CCSER1: variants seen among roughly 807,000 people sequenced by gnomAD.
The protein encoded by CCSER1 is serine-rich coiled-coil domain-containing protein 1.
A neutral mutation model predicts 82.0 loss-of-function variants in CCSER1; 41 were observed. That is an observed-to-expected ratio of 0.50 (90% CI 0.39 to 0.65). The LOEUF is 0.65. Ranked by LOEUF, CCSER1 falls within the 30% of genes least tolerant of loss-of-function variation. The pLI is 0.00. For synonymous variants in CCSER1, 414 were observed against 383.9 expected (o/e 1.08, Z -0.92); for missense variants, 1,119 against 1,064.2 (o/e 1.05, Z -0.72).
At chr4:91,442,349 C>T (rs1296978955) in intron 10 of CCSER1, among the ~76,000 whole-genome samples, 1 of 152,048 alleles carries the variant, frequency 6.6e-6, no homozygotes, top group Non-Finnish European at 1.5e-5. Flanking sequence ...TTTGACAAAC[C>T]TGACAAAAAC....
chr4:90,281,103 A>G (rs1339383565), intron 1 of CCSER1, among the ~76,000 whole-genome samples: 1 of 152,062 alleles, frequency 6.6e-6, no homozygotes, highest in African/African-American at 2.4e-5. Context: ...GATGTTAAGA[A>G]TTTCTTAGCC....
At chr4:91,252,064 C>A (rs1312249203) in intron 10 of CCSER1, among the ~76,000 whole-genome samples, 7 of 152,102 alleles carry the variant, frequency 4.6e-5, no homozygotes, top group African/African-American at 2.4e-5. Context: ...CAGACAAAAT[C>A]TTGAAAGCAT....
intron 10 of CCSER1, among the ~76,000 whole-genome samples, chr4:91,274,007 C>A (rs1028364988): frequency 1.3e-5 from 2 of 152,094 alleles, no homozygotes; most frequent in African/African-American, 4.8e-5. Context: ...GTTAGGTTAA[C>A]TCTCCTTTAT....
chr4:91,007,184 A>G (rs892597212), intron 9 of CCSER1, among the ~76,000 whole-genome samples: 1 of 151,964 alleles, frequency 6.6e-6, no homozygotes, highest in African/African-American at 2.4e-5. Flanking sequence ...TATTTAATTC[A>G]GTTTGTTAGT....
intron 5 of CCSER1, among the ~76,000 whole-genome samples, chr4:90,535,403 A>G (rs1254743339): frequency 6.6e-6 from 1 of 152,152 alleles, no homozygotes; most frequent in Non-Finnish European, 1.5e-5. Flanking sequence ...CGGACAACAT[A>G]GTGGAACCCC....
chr4:90,165,054 A>G (rs1560725117), intron 1 of CCSER1, among the ~76,000 whole-genome samples: 1 of 152,066 alleles, frequency 6.6e-6, no homozygotes. Flanking sequence ...CTTTTTCTGG[A>G]TTCTAATCCT....
At chr4:91,091,186 A>T (rs1477669261) in intron 10 of CCSER1, among the ~76,000 whole-genome samples, 2 of 152,208 alleles carry the variant, frequency 1.3e-5, no homozygotes, top group African/African-American at 4.8e-5. Flanking sequence ...AAATTATAAG[A>T]TTATGCGTTT....
intron 10 of CCSER1, among the ~76,000 whole-genome samples, chr4:91,300,376 T>C (rs1354247190): frequency 1.3e-5 from 2 of 151,864 alleles, no homozygotes; most frequent in Non-Finnish European, 2.9e-5. Flanking sequence ...CATTTCTTAG[T>C]GCCAAGGAAA....
At chr4:90,785,784 T>C (rs1409991563) in intron 7 of CCSER1, among the ~76,000 whole-genome samples, 4 of 152,218 alleles carry the variant, frequency 2.6e-5, no homozygotes, top group Non-Finnish European at 5.9e-5. Flanking sequence ...TTTTGAACTG[T>C]GACTGTGTTT....
intron 10 of CCSER1, among the ~76,000 whole-genome samples, chr4:91,247,445 A>G (rs1411544102): frequency 1.3e-5 from 2 of 152,220 alleles, no homozygotes; most frequent in Admixed American, 6.5e-5. Flanking sequence ...CTATGAATTT[A>G]TGTTTAGCTA....
At chr4:90,872,073 TA>T (rs1250938053) in intron 8 of CCSER1, among the ~76,000 whole-genome samples, 2 of 151,894 alleles carry the variant, frequency 1.3e-5, no homozygotes, top group African/African-American at 4.8e-5. Context: ...GTGAAGTTTG[TA>T]TCCTGTAGAG....
chr4:91,044,486 G>A (rs1742269398), intron 9 of CCSER1, among the ~76,000 whole-genome samples: 1 of 152,028 alleles, frequency 6.6e-6, no homozygotes, highest in Non-Finnish European at 1.5e-5. Flanking sequence ...GATTTATCTT[G>A]ACCTACATGA....
At chr4:90,799,180 G>A (rs887087661) in intron 7 of CCSER1, among the ~76,000 whole-genome samples, 7 of 152,154 alleles carry the variant, frequency 4.6e-5, no homozygotes, top group Non-Finnish European at 2.9e-5. Context: ...GCACAGGTCT[G>A]GGTGTCTTCT....
At chr4:90,652,220 G>A (rs1033782645) in intron 6 of CCSER1, among the ~76,000 whole-genome samples, 9 of 152,010 alleles carry the variant, frequency 5.9e-5, no homozygotes, top group Non-Finnish European at 1.3e-4. Flanking sequence ...ATATTTAAAT[G>A]TAATAAAAAC....
chr4:91,151,927 G>A (rs573982912), intron 10 of CCSER1, among the ~76,000 whole-genome samples: 12 of 152,308 alleles, frequency 7.9e-5, no homozygotes, highest in Non-Finnish European at 1.6e-4. Context: ...GTGTGATGTG[G>A]TGCTGAGAAG....
intron 10 of CCSER1, among the ~76,000 whole-genome samples, chr4:91,558,916 A>G (rs1464675749): frequency 6.6e-6 from 1 of 151,462 alleles, no homozygotes; most frequent in African/African-American, 2.4e-5. Flanking sequence ...TCAAATAGCA[A>G]TTTCTAATTA....
rs192869890 is a variant in CCSER1 at position 90,641,799 on chromosome 4, C to T, written c.1932+13567C>T. ...TAATATTTGATTGCTTATAAGAAAA[C>T]GAACTGCAACCCACAGTTTTAACAA... On this transcript the variant is annotated intron_variant, in intron 6 of 10. Coordinates refer to ENST00000509176, the MANE Select transcript of CCSER1 (RefSeq NM_001145065.2). 3.7e-4 allele frequency: 70 copies of T among 187,108 alleles called. No homozygotes were observed. In the Middle Eastern group the frequency reaches 7.6e-3, roughly 20 times the overall value. The allele number at this position is 187,108 out of a possible 1,614,324, so 11.6% of individuals were successfully genotyped here.
intron 5 of CCSER1, among the ~76,000 whole-genome samples, chr4:90,544,570 C>G (rs1394439528): frequency 6.6e-6 from 1 of 152,058 alleles, no homozygotes; most frequent in African/African-American, 2.4e-5. Flanking sequence ...TCCAGAGTTT[C>G]TGTGGAGGCT....
chr4:90,495,714 A>G (rs1438716011), intron 5 of CCSER1, among the ~76,000 whole-genome samples: 1 of 152,214 alleles, frequency 6.6e-6, no homozygotes, highest in East Asian at 1.9e-4. Context: ...TCTGTGAATT[A>G]TAGCAGAGAT....
Sources: allele counts gnomAD v4.1 joint callset (sites outside exome capture counted in the v4.1 genomes callset), GRCh38; gene constraint gnomAD v4.1.1; transcripts MANE v1.5; gene names NCBI Gene and HGNC (gene_info 2026-07-23, HGNC 2026-07-21).